DSCAML1: variants seen among roughly 807,000 people sequenced by gnomAD.
DSCAML1 encodes the protein cell adhesion molecule DSCAML1.
DSCAML1 carries 38 observed loss-of-function variants against 200.5 expected under a neutral mutation model. That is an observed-to-expected ratio of 0.19 (90% CI 0.15 to 0.25). DSCAML1 has a LOEUF of 0.25. DSCAML1 is among the 10% of genes least tolerant of loss of function. The pLI, the probability that DSCAML1 is intolerant of heterozygous loss-of-function variation, is 1.00. For missense variants in DSCAML1, 2,223 were observed against 2,858.8 expected (o/e 0.78, Z 5.07); for synonymous variants, 1,215 against 1,165.0 (o/e 1.04, Z -0.87).
intron 3 of DSCAML1, among the ~76,000 whole-genome samples, chr11:117,698,898 T>C (rs897521215): frequency 6.6e-6 from 1 of 152,186 alleles, no homozygotes; most frequent in Non-Finnish European, 1.5e-5. Context: ...ATTCCATTGC[T>C]CTGCCCCATC....
intron 3 of DSCAML1, among the ~76,000 whole-genome samples, chr11:117,561,821 A>C (rs1426414123): frequency 6.6e-6 from 1 of 152,152 alleles, no homozygotes; most frequent in Non-Finnish European, 1.5e-5. Context: ...TTATGTATTC[A>C]TCTCCCCATT....
At chr11:117,645,548 C>T (rs2137605224) in intron 3 of DSCAML1, among the ~76,000 whole-genome samples, 1 of 152,178 alleles carries the variant, frequency 6.6e-6, no homozygotes, top group East Asian at 1.9e-4. Context: ...GGCACATATA[C>T]ACCATGGAAT....
intron 3 of DSCAML1, among the ~76,000 whole-genome samples, chr11:117,751,611 A>C (rs1350684834): frequency 3.3e-5 from 5 of 152,090 alleles, no homozygotes; most frequent in African/African-American, 1.2e-4. Flanking sequence ...GAAAGCGCTC[A>C]TCTTTCAGTG....
At chr11:117,435,855 G>A in intron 26 of DSCAML1, 56 bp from the exon 27 acceptor site, 1 of 1,552,328 alleles carries the variant, frequency 6.4e-7, no homozygotes, top group Non-Finnish European at 8.8e-7. Context: ...GTGCTGTGCA[G>A]AACATCTCAT....
chr11:117,707,303 G>A (rs1200713748), intron 3 of DSCAML1, among the ~76,000 whole-genome samples: 1 of 152,178 alleles, frequency 6.6e-6, no homozygotes, highest in Non-Finnish European at 1.5e-5. Context: ...AAATATGGTG[G>A]CAACAAATAG....
chr11:117,814,629 G>C (rs1008765374), intron 1 of DSCAML1, among the ~76,000 whole-genome samples: 1 of 152,224 alleles, frequency 6.6e-6, no homozygotes, highest in Non-Finnish European at 1.5e-5. Flanking sequence ...CACTGGGATC[G>C]GTGGGTGAAC....
chr11:117,462,828 G>C (rs1006468096), intron 17 of DSCAML1, among the ~76,000 whole-genome samples: 2 of 152,204 alleles, frequency 1.3e-5, no homozygotes, highest in African/African-American at 2.4e-5. Flanking sequence ...ACAGGCTAAC[G>C]AGGGCCTTAA....
At chr11:117,745,018 C>T (rs2054492353) in intron 3 of DSCAML1, among the ~76,000 whole-genome samples, 1 of 14,110 alleles carries the variant, frequency 7.1e-5, no homozygotes, top group African/African-American at 9.3e-5. Flanking sequence ...CCAAGACAAC[C>T]AGCACACCTC....
In DSCAML1 at chr11:117,437,292, T is replaced by A. The variant is rs2047939017; in HGVS notation, c.4550A>T (p.Tyr1517Phe). 1 of 1,614,118 alleles carries A rather than the reference T, an allele frequency of 6.2e-7. No individual in the cohort carries two copies. Among genetic ancestry groups the A allele is most frequent in the Non-Finnish European group, 8.5e-7 (1 of 1,180,052 alleles). The stretch of plus-strand genomic sequence containing the variant: ...CCAGGCCCAGGTCCCCTTGGGCCGG[T>A]ACTCCAGAACGATGGCTGTGATAGG... ...GCPITAIVLE[Y>F]RPKGTWAWQG... The change falls in exon 26 of 33, where the codon TAC (tyrosine) becomes TTC (phenylalanine). Residue 1517 changes from tyrosine (Y) to phenylalanine (F), a missense_variant. By Grantham distance (22) the Tyr-to-Phe change is conservative. This residue lies in a region of DSCAML1 where 614 missense variants were observed against 739.1 expected (regional missense o/e 0.83). Transcript: ENST00000651296. The surrounding 1 kb of genome is among the most constrained non-coding windows in gnomAD (Gnocchi z 5.3).
Position 117,504,881 on chromosome 11 carries a change from G to A in DSCAML1, c.2182+43C>T, listed in dbSNP as rs2276343. On this transcript the variant is annotated intron_variant, in intron 10 of 32. Transcript: ENST00000651296. The surrounding 1 kb of genome is among the most constrained non-coding windows in gnomAD (Gnocchi z 5.0). ...TCCCACAGAGCATCCTCCGTTCCCCGTCCCTGCCCTTCTTGGAGATTCTGG... is the reference window on the plus strand; with the variant it reads ...TCCCACAGAGCATCCTCCGTTCCCCATCCCTGCCCTTCTTGGAGATTCTGG... 0.21 allele frequency: 337,137 copies of A among 1,568,532 alleles called. 37,689 individuals are homozygous for A. The highest frequency in any genetic ancestry group is 0.3 in the South Asian group (24,705 of 83,482).
At chr11:117,796,741 C>T (rs2055584343) in intron 1 of DSCAML1, among the ~76,000 whole-genome samples, 1 of 152,216 alleles carries the variant, frequency 6.6e-6, no homozygotes, top group Non-Finnish European at 1.5e-5. Flanking sequence ...GGGAGGGGTC[C>T]AGGGCAGAAC....
intron 3 of DSCAML1, among the ~76,000 whole-genome samples, chr11:117,638,135 G>T (rs531518145): frequency 6.6e-6 from 1 of 152,294 alleles, no homozygotes; most frequent in African/African-American, 2.4e-5. Flanking sequence ...TCCAGGGGGA[G>T]ACCTCAAACC....
At chr11:117,790,825 G>C (rs1046308305) in intron 1 of DSCAML1, among the ~76,000 whole-genome samples, 3 of 152,084 alleles carry the variant, frequency 2.0e-5, no homozygotes, top group Admixed American at 6.5e-5. Flanking sequence ...GCTGAGCTTT[G>C]TTTTTTAGGT....
chr11:117,765,326 G>A (rs1232000054), intron 3 of DSCAML1, among the ~76,000 whole-genome samples: 1 of 152,208 alleles, frequency 6.6e-6, no homozygotes, highest in Non-Finnish European at 1.5e-5. Context: ...GACCACAAAA[G>A]CCAAGAGCGT....
At chr11:117,590,518 C>T (rs539310476) in intron 3 of DSCAML1, among the ~76,000 whole-genome samples, 206 of 152,312 alleles carry the variant, frequency 1.4e-3, no homozygotes, top group Admixed American at 3.7e-3. Flanking sequence ...GACTGCCCCA[C>T]GCCCAGTGCC....
At position 117,428,671 on chromosome 11, in the gene DSCAML1, T is replaced by C; in HGVS notation, c.5819A>G (p.Gln1940Arg). The C allele has an allele frequency of 6.2e-7, 1 of 1,612,650 alleles. No individual in the cohort carries two copies. Among genetic ancestry groups the C allele is most frequent in the Non-Finnish European group, 8.5e-7 (1 of 1,179,566 alleles). Reference sequence around the variant, plus strand: ...AGGGTCCAGGGTCAGGTGGCGAGCCTGGGTGTGGTAGGTTCGAGCCAGGTT... The same window carrying C: ...AGGGTCCAGGGTCAGGTGGCGAGCCCGGGTGTGGTAGGTTCGAGCCAGGTT... ...IRNLARTYHT[Q>R]ARHLTLDPAS... Residue 1940 changes from glutamine (Q) to arginine (R), a missense_variant, in exon 33 of 33, where the codon CAG (glutamine) becomes CGG (arginine). By Grantham distance (43) the Gln-to-Arg change is conservative. Around this residue, in one of 7 missense-constraint regions of DSCAML1, gnomAD observed 280 missense variants for 213.4 expected, o/e 1.31. Transcript: ENST00000651296.
At chr11:117,448,540 A>G (rs1414744481) in intron 20 of DSCAML1, among the ~76,000 whole-genome samples, 1 of 150,930 alleles carries the variant, frequency 6.6e-6, no homozygotes, top group East Asian at 2.0e-4. Flanking sequence ...CACGGGAAGA[A>G]GCCGCGGGGC....
chr11:117,446,586 C>T (rs1233118598), intron 20 of DSCAML1, among the ~76,000 whole-genome samples: 2 of 151,928 alleles, frequency 1.3e-5, no homozygotes, highest in Non-Finnish European at 2.9e-5. Flanking sequence ...TAAACATATA[C>T]AACCTAACTA....
intron 3 of DSCAML1, among the ~76,000 whole-genome samples, chr11:117,625,494 G>A (rs2052024440): frequency 6.6e-6 from 1 of 152,184 alleles, no homozygotes; most frequent in Admixed American, 6.5e-5. Context: ...AGCTAGAGGG[G>A]CCCCCTCATT....
Sources: gnomAD v4.1 joint callset for allele counts (sites outside exome capture counted in the v4.1 genomes callset) on GRCh38, gnomAD v4.1.1 for gene constraint, gnomAD v4.1.1 regional missense constraint, Gnocchi (gnomAD v3.1) non-coding constraint, MANE v1.5 for transcripts, NCBI Gene and HGNC (gene_info 2026-07-23, HGNC 2026-07-21) for gene names.